Variants in ADAMTSL1 observed in about 807,000 individuals in gnomAD.
The protein encoded by ADAMTSL1 is ADAMTS-like protein 1.
In ADAMTSL1, 126 loss-of-function variants were observed where a neutral mutation model predicts 201.8. The ratio of observed to expected loss-of-function variants is 0.62; its 90% confidence interval spans 0.54 to 0.72. The LOEUF is 0.72. ADAMTSL1 is among the 30% of genes least tolerant of loss of function. ADAMTSL1 has a pLI of 0.00. For missense variants in ADAMTSL1, 2,679 were observed against 2,277.8 expected, an observed-to-expected ratio of 1.18 and a Z score of -3.59; for synonymous variants, 1,121 against 903.4, an observed-to-expected ratio of 1.24 and a Z score of -4.32.
intron 1 of ADAMTSL1, among the ~76,000 whole-genome samples, chr9:18,106,473 G>T (rs574916363): frequency 6.6e-6 from 1 of 152,272 alleles, no homozygotes; most frequent in South Asian, 2.1e-4. Context: ...TTTCAACTCT[G>T]CTTAGCGCAC....
rs186396537 is a variant in ADAMTSL1, at chr9:18,129,343, T to C, written c.88-34519T>C. Reference sequence around the variant, plus strand: ...GAGAGCTGGTAGACATTTTGCACTATGTTCTTTTTAAAAATAAGAACATTG... The same window carrying C: ...GAGAGCTGGTAGACATTTTGCACTACGTTCTTTTTAAAAATAAGAACATTG... On this transcript the variant is annotated intron_variant, in intron 1 of 29. Coordinates refer to the ADAMTSL1 transcript ENST00000680146. Among the ~76,000 whole-genome samples the C allele has an allele frequency of 1.2e-4, 19 of 152,322 alleles. No homozygotes were observed. The East Asian group carries it at 3.3e-3, about 26-fold the overall frequency.
At chr9:18,420,586 C>T (rs1426871788) in intron 2 of ADAMTSL1, among the ~76,000 whole-genome samples, 1 of 152,088 alleles carries the variant, frequency 6.6e-6, no homozygotes, top group African/African-American at 2.4e-5. Flanking sequence ...GAGAGCTGTG[C>T]CCACTCACCT....
intron 2 of ADAMTSL1, among the ~76,000 whole-genome samples, chr9:18,378,340 G>A (rs1441748987): frequency 6.6e-6 from 1 of 152,214 alleles, no homozygotes; most frequent in African/African-American, 2.4e-5. Flanking sequence ...TTTCTAAAGT[G>A]TAATGAGAGT....
chr9:18,146,083 T>G (rs1334510516), intron 1 of ADAMTSL1, among the ~76,000 whole-genome samples: 2 of 152,154 alleles, frequency 1.3e-5, no homozygotes, highest in African/African-American at 2.4e-5. Context: ...TCAATATTAA[T>G]TGTTGAGAAG....
intron 20 of ADAMTSL1, among the ~76,000 whole-genome samples, chr9:18,801,101 A>G (rs550493902): frequency 4.3e-4 from 65 of 152,304 alleles, no homozygotes; most frequent in African/African-American, 1.3e-3. Flanking sequence ...CTCAAGTGCT[A>G]AGGGCCCTGT....
chr9:18,079,926 G>A (rs1157716102), intron 1 of ADAMTSL1, among the ~76,000 whole-genome samples: 2 of 152,118 alleles, frequency 1.3e-5, no homozygotes, highest in African/African-American at 4.8e-5. Context: ...CTGGTGGATA[G>A]TGAGGAAGTG....
chr9:18,622,617 C>G, intron 5 of ADAMTSL1: 1 of 587,252 alleles, frequency 1.7e-6, no homozygotes, highest in Non-Finnish European at 3.0e-6. Flanking sequence ...CATGGGGCTA[C>G]AAATACTTTC....
intron 2 of ADAMTSL1, among the ~76,000 whole-genome samples, chr9:18,221,191 G>C (rs759631185): frequency 2.6e-5 from 4 of 152,106 alleles, no homozygotes; most frequent in Non-Finnish European, 5.9e-5. Flanking sequence ...TCACTGTTTA[G>C]TTTTTTGGTT....
intron 7 of ADAMTSL1, among the ~76,000 whole-genome samples, chr9:18,649,388 C>T (rs1056918524): frequency 2.6e-5 from 4 of 152,260 alleles, no homozygotes; most frequent in African/African-American, 7.2e-5. Flanking sequence ...TCTCTCAACT[C>T]GTCAAAGTCA....
At chr9:18,423,166 G>A (rs186003201) in intron 2 of ADAMTSL1, among the ~76,000 whole-genome samples, 21 of 152,270 alleles carry the variant, frequency 1.4e-4, no homozygotes, top group Middle Eastern at 3.4e-3. Context: ...GAACTAACCT[G>A]GCTCTGAGCC....
chr9:18,261,835 C>T lies in ADAMTSL1; in HGVS notation c.207+97854C>T, dbSNP rs1039353931. Among the ~76,000 whole-genome samples the T allele has an allele frequency of 1.1e-4, 16 of 152,086 alleles. 1 individual carries two copies. Among genetic ancestry groups the T allele is most frequent in the South Asian group, 2.1e-4 (1 of 4,828 alleles). Reference sequence around the variant, plus strand: ...GAAGCACCCTAAATAAAATCAAAAACGGAATTCACAGTATGGAAAAATATT... The same window carrying T: ...GAAGCACCCTAAATAAAATCAAAAATGGAATTCACAGTATGGAAAAATATT... On this transcript the variant is annotated intron_variant, in intron 2 of 29. Transcript: ENST00000680146.
intron 2 of ADAMTSL1, among the ~76,000 whole-genome samples, chr9:18,452,672 G>T (rs890595498): frequency 6.6e-5 from 10 of 152,194 alleles, no homozygotes; most frequent in African/African-American, 2.2e-4. Context: ...AAAAGAAATA[G>T]GCAAGAAGAA....
chr9:18,661,465 C>T (rs183099775), intron 8 of ADAMTSL1, among the ~76,000 whole-genome samples: 2 of 152,038 alleles, frequency 1.3e-5, no homozygotes, highest in Admixed American at 6.6e-5. Context: ...CCTGTGCTGG[C>T]CCCCCATGTG....
At chr9:17,993,189 G>C (rs1819233067) in intron 1 of ADAMTSL1, among the ~76,000 whole-genome samples, 1 of 152,096 alleles carries the variant, frequency 6.6e-6, no homozygotes, top group African/African-American at 2.4e-5. Context: ...TATCTCGTTG[G>C]GTGGAGTTGT....
At chr9:17,929,108 T>C (rs1456244354) in intron 1 of ADAMTSL1, among the ~76,000 whole-genome samples, 1 of 152,128 alleles carries the variant, frequency 6.6e-6, no homozygotes, top group African/African-American at 2.4e-5. Flanking sequence ...CGATGAAGAA[T>C]AGGGGTTTCT....
At chr9:18,025,861 A>C (rs1051431384) in intron 1 of ADAMTSL1, among the ~76,000 whole-genome samples, 12 of 152,044 alleles carry the variant, frequency 7.9e-5, no homozygotes, top group African/African-American at 2.9e-4. Flanking sequence ...CTATTTTAAC[A>C]ATATTGATTC....
intron 1 of ADAMTSL1, among the ~76,000 whole-genome samples, chr9:18,018,572 G>C (rs1451019601): frequency 6.6e-6 from 1 of 152,054 alleles, no homozygotes; most frequent in Non-Finnish European, 1.5e-5. Context: ...TATGGGAGAA[G>C]CCAACTGCAA....
chr9:17,942,248 G>C (rs921379264), intron 1 of ADAMTSL1, among the ~76,000 whole-genome samples: 2 of 152,044 alleles, frequency 1.3e-5, no homozygotes, highest in African/African-American at 2.4e-5. Context: ...ATGCAACATT[G>C]TGAATGTATT....
chr9:18,826,190 G>A lies in ADAMTSL1; in HGVS notation c.3935-94G>A. The A allele has an allele frequency of 2.1e-6, 3 of 1,445,070 alleles. No individual in the cohort carries two copies. In the South Asian group the frequency reaches 3.7e-5, roughly 18 times the overall value. 89.5% of individuals were successfully genotyped at this position (1,445,070 alleles called of 1,614,324 possible). ...GATGTCCCTGTAGAGCAGCCCCAGGGAAGGGGGATTCAAGAAGCTATAAAT... is the reference window on the plus strand; with the variant it reads ...GATGTCCCTGTAGAGCAGCCCCAGGAAAGGGGGATTCAAGAAGCTATAAAT... On this transcript the variant is annotated intron_variant, in intron 21 of 28. Coordinates refer to ENST00000380548, the MANE Select transcript of ADAMTSL1 (RefSeq NM_001040272.6).
Sources: gnomAD v4.1 joint callset for allele counts (sites outside exome capture counted in the v4.1 genomes callset) on GRCh38, gnomAD v4.1.1 for gene constraint, MANE v1.5 for transcripts, NCBI Gene and HGNC (gene_info 2026-07-23, HGNC 2026-07-21) for gene names.